Variants in SCN3A observed in about 807,000 individuals in gnomAD.
The protein encoded by SCN3A is sodium voltage-gated channel alpha subunit 3, also known as sodium channel protein type 3 subunit alpha.
SCN3A carries 60 observed loss-of-function variants against 187.6 expected under a neutral mutation model. The ratio of observed to expected loss-of-function variants is 0.32; its 90% CI spans 0.26 to 0.40. The LOEUF is 0.40. Among genes scored for constraint, SCN3A ranks in the 10% least tolerant of loss-of-function variants. The pLI is 1.00. For missense variants in SCN3A, 1,601 were observed against 2,428.2 expected (o/e 0.66, Z 7.16); for synonymous variants, 788 against 829.2 (o/e 0.95, Z 0.85).
At chr2:165,103,758 T>C (rs188831755) in intron 21 of SCN3A, among the ~76,000 whole-genome samples, 3 of 152,164 alleles carry the variant, frequency 2.0e-5, no homozygotes, top group Admixed American at 2.0e-4. Context: ...TCCTTGAAAA[T>C]GGCTAAAGAC....
At position 165,199,152 on chromosome 2, in the gene SCN3A, G is replaced by A. The variant is rs1438109555; in HGVS notation, c.-248+4671C>T. Among the ~76,000 whole-genome samples the A allele has an allele frequency of 3.3e-5, 5 of 151,978 alleles. No individual in the cohort carries two copies. In the East Asian group the frequency reaches 9.7e-4, roughly 29 times the overall value. On this transcript the variant is annotated intron_variant, in intron 1 of 27. Coordinates refer to ENST00000283254, the MANE Select transcript of SCN3A (RefSeq NM_006922.4). ...AGGAGATTAAAATTCCCAAAAGGGA[G>A]CTTCTTGGCAGAAAATGGTCAAAGT...
chr2:165,127,530 A>G (rs1687064907), intron 18 of SCN3A, 101 bp downstream of exon 18: 1 of 892,968 alleles, frequency 1.1e-6, no homozygotes, highest in Non-Finnish European at 1.8e-6. Context: ...GACTTTCAAT[A>G]TTGCTTTTTG....
At chr2:165,173,155 C>G (rs1690220889) in intron 3 of SCN3A, among the ~76,000 whole-genome samples, 1 of 152,124 alleles carries the variant, frequency 6.6e-6, no homozygotes, top group Admixed American at 6.6e-5. Context: ...AGTTTTACTA[C>G]TTTGTGGCAA....
At position 165,176,373 on chromosome 2, in the gene SCN3A, G is replaced by T; in HGVS notation, c.22C>A (p.Pro8Thr). The T allele has an allele frequency of 6.2e-6, 10 of 1,614,014 alleles. No individual in the cohort carries two copies. The highest frequency in any genetic ancestry group is 8.5e-6 in the Non-Finnish European group (10 of 1,179,950). Reference sequence around the variant, plus strand: ...AGGCGGAAGCTTTCAGGTCCTGGGGGTACCAACAGTGCCTGTGCCATCTTT... The same window carrying T: ...AGGCGGAAGCTTTCAGGTCCTGGGGTTACCAACAGTGCCTGTGCCATCTTT... MAQALLV[P>T]PGPESFRLFT... Residue 8 changes from proline to threonine, a missense_variant, in exon 3 of 28, where the codon CCC (proline) becomes ACC (threonine). Coordinates refer to ENST00000283254, the MANE Select transcript of SCN3A (RefSeq NM_006922.4).
chr2:165,168,355 T>C (rs1488464141), intron 5 of SCN3A, among the ~76,000 whole-genome samples: 1 of 152,052 alleles, frequency 6.6e-6, no homozygotes, highest in Non-Finnish European at 1.5e-5. Flanking sequence ...AAATCTATTC[T>C]ATTCGAATAT....
chr2:165,146,598 G>T (rs1688352483), intron 12 of SCN3A, 141 bp downstream of exon 12: 2 of 818,476 alleles, frequency 2.4e-6, no homozygotes, highest in Admixed American at 2.7e-5. Flanking sequence ...TCTATTATAA[G>T]AATTTAAACA....
chr2:165,164,688 G>A (rs913497872), intron 5 of SCN3A, among the ~76,000 whole-genome samples, 168 bp from the exon 6 acceptor site: 4 of 152,066 alleles, frequency 2.6e-5, no homozygotes, highest in Non-Finnish European at 5.9e-5. Context: ...TTACAAGCCT[G>A]AGCAAAGAGT....
intron 17 of SCN3A, among the ~76,000 whole-genome samples, chr2:165,129,728 A>G (rs561467228): frequency 6.6e-6 from 1 of 152,348 alleles, no homozygotes; most frequent in South Asian, 2.1e-4. Flanking sequence ...CATTAAAGAT[A>G]TGATTTCAGT....
In SCN3A at chr2:165,154,617, G is replaced by T. The variant is rs764796283; in HGVS notation, c.1215C>A (p.Val405=). The change falls in exon 11 of 28, where the codon GTC becomes GTA. Residue 405 remains valine (V), a synonymous_variant. Coordinates refer to ENST00000283254, the MANE Select transcript of SCN3A (RefSeq NM_006922.4). The part of the protein sequence containing the change: ...AAGKTYMIFF[V]LVIFLGSFYL... Reference sequence around the variant, plus strand: ...AAAATGAGCCCAAGAAAATGACCAGGACAAAAAATATCATGTATGTTTTCC... The same window carrying T: ...AAAATGAGCCCAAGAAAATGACCAGTACAAAAAATATCATGTATGTTTTCC... 6 of 1,613,920 alleles carry T rather than the reference G, an allele frequency of 3.7e-6. No individual in the cohort carries two copies. Among genetic ancestry groups the T allele is most frequent in the Non-Finnish European group, 5.1e-6 (6 of 1,179,986 alleles).
chr2:165,184,436 G>A (rs935281167), intron 2 of SCN3A, among the ~76,000 whole-genome samples: 3 of 141,950 alleles, frequency 2.1e-5, no homozygotes, highest in African/African-American at 5.2e-5. Flanking sequence ...TTAGGTGCAG[G>A]TAGACTAGAT....
chr2:165,096,957 G>C (rs1308884651), intron 23 of SCN3A, among the ~76,000 whole-genome samples: 1 of 151,780 alleles, frequency 6.6e-6, no homozygotes, highest in East Asian at 1.9e-4. Context: ...TGCTCCTTTG[G>C]CAATAATTGA....
chr2:165,165,151 CT>C (rs1004720854), intron 5 of SCN3A, among the ~76,000 whole-genome samples: 17 of 151,710 alleles, frequency 1.1e-4, no homozygotes, highest in African/African-American at 3.9e-4. Flanking sequence ...AAATATATTT[CT>C]TTTTTTTCAA....
intron 15 of SCN3A, among the ~76,000 whole-genome samples, chr2:165,136,438 C>T (rs1175370910): frequency 6.6e-6 from 1 of 152,198 alleles, no homozygotes; most frequent in Non-Finnish European, 1.5e-5. Context: ...ATGCCAGGCA[C>T]AGTCTAGGTG....
chr2:165,159,623 A>T (rs1689240778), intron 9 of SCN3A, among the ~76,000 whole-genome samples: 1 of 132,910 alleles, frequency 7.5e-6, no homozygotes, highest in African/African-American at 3.1e-5. Flanking sequence ...TCAGCTTCCC[A>T]AAGTGCTGGA....
chr2:165,176,046 TG>T, intron 3 of SCN3A, 84 bp downstream of exon 3: 1 of 1,266,034 alleles, frequency 7.9e-7, no homozygotes, highest in East Asian at 2.4e-5. Flanking sequence ...AGAAAAATTG[TG>T]ATGCTGTATA....
intron 6 of SCN3A, 34 bp downstream of exon 6, chr2:165,164,358 C>T: frequency 6.2e-7 from 1 of 1,613,344 alleles, no homozygotes; most frequent in Non-Finnish European, 8.5e-7. Context: ...TATTTTCACT[C>T]CTTTGCGCTT....
intron 2 of SCN3A, among the ~76,000 whole-genome samples, chr2:165,183,500 A>T (rs1691019536): frequency 6.6e-6 from 1 of 152,244 alleles, no homozygotes; most frequent in Admixed American, 6.5e-5. Context: ...GAAGCCAGCC[A>T]ATACAATGAG....
chr2:165,169,174 T>C (rs1689962883), intron 4 of SCN3A, among the ~76,000 whole-genome samples: 1 of 151,946 alleles, frequency 6.6e-6, no homozygotes, highest in African/African-American at 2.4e-5. Flanking sequence ...AAAGGTGTAC[T>C]TCAGATATAT....
rs145313120 is a variant in SCN3A, at chr2:165,110,108, T to C, written c.3843+2777A>G. Reference sequence around the variant, plus strand: ...CTCCGCTTCCCCAAACACGCAGTAATTTACCAGCCTAGTACTCTGTTTTAT... The same window carrying C: ...CTCCGCTTCCCCAAACACGCAGTAACTTACCAGCCTAGTACTCTGTTTTAT... On this transcript the variant is annotated intron_variant, in intron 21 of 27. Transcript: ENST00000283254. Among the ~76,000 whole-genome samples the C allele has an allele frequency of 2.9e-3, 436 of 152,282 alleles. 4 individuals are homozygous for C. Among genetic ancestry groups the C allele is most frequent in the African/African-American group, 9.9e-3 (413 of 41,572 alleles).
Sources: allele counts gnomAD v4.1 joint callset (sites outside exome capture counted in the v4.1 genomes callset), GRCh38; gene constraint gnomAD v4.1.1; transcripts MANE v1.5; gene names NCBI Gene and HGNC (gene_info 2026-07-23, HGNC 2026-07-21).